Variants in CRMP1 observed in about 807,000 individuals in gnomAD.
CRMP1 encodes dihydropyrimidinase-related protein 1.
In CRMP1, 19 loss-of-function variants were observed where a neutral mutation model predicts 68.3. The observed-to-expected ratio is 0.28, with a 90% CI of 0.19 to 0.41. CRMP1 has a LOEUF of 0.41. Ranked by LOEUF, CRMP1 falls within the 10% of genes least tolerant of loss-of-function variation. CRMP1 has a pLI of 1.00. For synonymous variants in CRMP1, 439 were observed against 399.6 expected, an observed-to-expected ratio of 1.10 and a Z score of -1.18; for missense variants, 791 against 967.4, an observed-to-expected ratio of 0.82 and a Z score of 2.42.
At chr4:5,851,844 G>GAGGAGGAGGAAGAGGAGC (rs1192093739) in intron 4 of CRMP1, among the ~76,000 whole-genome samples, 2 of 150,852 alleles carry the variant, frequency 1.3e-5, no homozygotes, top group Middle Eastern at 3.2e-3. Flanking sequence ...AGAAGGGGAG[G>GAGGAGGAGGAAGAGGAGC]AGGAGGAGGA....
At chr4:5,875,747 G>A (rs963745199) in intron 1 of CRMP1, among the ~76,000 whole-genome samples, 4 of 149,452 alleles carry the variant, frequency 2.7e-5, no homozygotes, top group African/African-American at 9.9e-5. Flanking sequence ...GAATTGACAT[G>A]GACACAGAGA....
rs1045204350 is a variant in CRMP1, at chr4:5,858,188, C to A, written c.656-1881G>T. Reference sequence around the variant, plus strand: ...CTGGCTTTTTCGTTCCTTTGTCCTACTTCTTTGGCTGCCGCTTCTCAATCA... The same window carrying A: ...CTGGCTTTTTCGTTCCTTTGTCCTAATTCTTTGGCTGCCGCTTCTCAATCA... On this transcript the variant is annotated intron_variant, in intron 3 of 13. Transcript: ENST00000324989. This position sits in a 1 kb window ranked among gnomAD's most constrained non-coding sequence, Gnocchi z 5.5. 2.6e-5 allele frequency among the ~76,000 whole-genome samples: 4 copies of A among 152,146 alleles called. No homozygotes were observed. The highest frequency in any genetic ancestry group is 9.7e-5 in the African/African-American group (4 of 41,436).
Position 5,821,867 on chromosome 4 carries a change from A to G in CRMP1, c.1970-16T>C. On this transcript the variant is annotated splice_polypyrimidine_tract_variant and intron_variant, in intron 13 of 13. Coordinates refer to ENST00000324989, the MANE Select transcript of CRMP1 (RefSeq NM_001014809.3). The surrounding 1 kb of genome is among the most constrained non-coding windows in gnomAD (Gnocchi z 4.4). ...ATCTGGGCACCTGAAAGAGAGCGCC[A>G]ATCGCTGCTGGATGGGATCTGTTAG... is the stretch of plus-strand genomic sequence containing the variant. 1.3e-6 allele frequency: 2 copies of G among 1,543,792 alleles called. No homozygotes were observed. The highest frequency in any genetic ancestry group is 1.7e-6 in the Non-Finnish European group (2 of 1,150,160).
chr4:5,824,476 A>C (rs1719212304), intron 13 of CRMP1: 1 of 985,116 alleles, frequency 1.0e-6, no homozygotes. Context: ...CTGAATTCAC[A>C]CGTCATCCTC....
At chr4:5,869,718 A>G (rs1714311906) in intron 1 of CRMP1, among the ~76,000 whole-genome samples, 1 of 151,882 alleles carries the variant, frequency 6.6e-6, no homozygotes, top group Non-Finnish European at 1.5e-5. Flanking sequence ...GAAAAGAAGT[A>G]AACTGACAAG....
intron 4 of CRMP1, among the ~76,000 whole-genome samples, chr4:5,852,898 G>A (rs1712769343): frequency 6.6e-6 from 1 of 152,134 alleles, no homozygotes; most frequent in Admixed American, 6.5e-5. Context: ...AAGGCAGGGA[G>A]ACTGTTCCTG....
intron 3 of CRMP1, among the ~76,000 whole-genome samples, chr4:5,856,856 CCCCACCA>C (rs1560505586): frequency 1.9e-5 from 2 of 106,222 alleles, no homozygotes; most frequent in African/African-American, 6.1e-5. Flanking sequence ...ATCATTGTCA[CCCCACCA>C]TCATCACCAT....
Position 5,850,685 on chromosome 4 carries a change from A to T in CRMP1, c.882+723T>A, listed in dbSNP as rs771086893. Among the ~76,000 whole-genome samples the T allele has an allele frequency of 6.6e-6, 1 of 152,178 alleles. No homozygotes were observed. ...GCCTAAAGCACAGAGAAGTTGGGAA[A>T]GCTGCCCCTGGCTGCAGAGCAAGCA... On this transcript the variant is annotated intron_variant, in intron 5 of 13. Transcript: ENST00000324989. This position sits in a 1 kb window ranked among gnomAD's most constrained non-coding sequence, Gnocchi z 4.4.
At chr4:5,882,183 T>G (rs758062413) in intron 1 of CRMP1, among the ~76,000 whole-genome samples, 6 of 152,236 alleles carry the variant, frequency 3.9e-5, no homozygotes, top group Non-Finnish European at 8.8e-5. Flanking sequence ...AGCTTGATCA[T>G]ACAACTTGCT....
At chr4:5,822,834 C>T (rs753125194) in intron 13 of CRMP1, among the ~76,000 whole-genome samples, 2 of 152,198 alleles carry the variant, frequency 1.3e-5, no homozygotes, top group South Asian at 2.1e-4. Context: ...AACAGAAAAA[C>T]GTAAGTAAGT....
chr4:5,880,943 A>G (rs1344742946), intron 1 of CRMP1, among the ~76,000 whole-genome samples: 1 of 152,176 alleles, frequency 6.6e-6, no homozygotes, highest in African/African-American at 2.4e-5. Context: ...AGAATCAGAC[A>G]ATTTCCCAGT....
rs201875462 is a variant in CRMP1 at position 5,861,084 on chromosome 4, C to G, written c.597G>C (p.Ala199=). The change falls in exon 3 of 14, where the codon GCG becomes GCC. Residue 199 remains alanine, a synonymous_variant. Transcript: ENST00000324989. The surrounding 1 kb of genome is among the most constrained non-coding windows in gnomAD (Gnocchi z 6.0). ...TGGTCCCTTGGAAGAAGTCATCAGC[C>G]GCAGTCATCCCCTGGGAGGGCTTCT... The part of the protein sequence containing the change: ...YLQKPSQGMT[A]ADDFFQGTRA... 1.2e-5 allele frequency: 19 copies of G among 1,614,166 alleles called. No homozygotes were observed. In the African/African-American group the frequency reaches 2.3e-4, roughly 19 times the overall value.
chr4:5,820,802 C>G lies in CRMP1; in HGVS notation c.*958G>C, dbSNP rs1560467618. The G allele has an allele frequency of 6.7e-6, 1 of 149,610 alleles. No homozygotes were observed. Among genetic ancestry groups the G allele is most frequent in the Admixed American group, 6.8e-5 (1 of 14,656 alleles). The allele number at this position is 149,610 out of a possible 1,614,324, so 9.3% of individuals were successfully genotyped here. On this transcript the variant is annotated 3_prime_UTR_variant, in exon 14 of 14. Coordinates refer to ENST00000324989, the MANE Select transcript of CRMP1 (RefSeq NM_001014809.3). ...GTCAGGTCAGTGGGCAGTTCATTTT[C>G]TTTATTTTTTCACAAGCTTTGAATT...
At chr4:5,887,879 T>G in intron 1 of CRMP1, 1 of 891,708 alleles carries the variant, frequency 1.1e-6, no homozygotes, top group Non-Finnish European at 1.4e-6. Context: ...GCGCGAGGCC[T>G]GCGGGGAGGG....
At chr4:5,840,009 T>C (rs1276443317) in intron 8 of CRMP1, among the ~76,000 whole-genome samples, 1 of 152,232 alleles carries the variant, frequency 6.6e-6, no homozygotes. Flanking sequence ...GAGACACGAT[T>C]TACTCTCTCA....
At position 5,839,635 on chromosome 4, in the gene CRMP1, G is replaced by T. The variant is rs369344197; in HGVS notation, c.1197C>A (p.Thr399=). ...FGEPIAASLG[T]DGTHYWSKNW... ...TCTTGCTCCAGTAATGGGTGCCATC[G>T]GTCCCCAGGCTGGCGGCAATGGGCT... Residue 399 remains threonine, a synonymous_variant, in exon 9 of 14, where the codon ACC becomes ACA. Transcript: ENST00000324989. 1 of 1,613,198 alleles carries T rather than the reference G, an allele frequency of 6.2e-7. No individual in the cohort carries two copies.
At chr4:5,833,283 C>G (rs1033114285) in intron 11 of CRMP1, among the ~76,000 whole-genome samples, 1 of 125,956 alleles carries the variant, frequency 7.9e-6, no homozygotes, top group Admixed American at 7.6e-5. Context: ...TCTCCTGCCT[C>G]AGCCTCCCGA....
Position 5,825,530 on chromosome 4 carries a change from T to C in CRMP1, c.1933A>G (p.Ile645Val), listed in dbSNP as rs771536060. The C allele has an allele frequency of 1.9e-6, 3 of 1,581,188 alleles. No individual in the cohort carries two copies. Among genetic ancestry groups the C allele is most frequent in the African/African-American group, 2.8e-5 (2 of 72,464 alleles). ...AAGTTGGACTGGTGGAGGTTTCTGA[T>C]GGGTGGGGGCTGGTGTTTAGAAGGC... Reference protein sequence around the residue: ...SSPSKHQPPPIRNLHQSNFSL... With the variant: ...SSPSKHQPPPVRNLHQSNFSL... The change falls in exon 13 of 14, where the codon ATC becomes GTC. Residue 645 changes from isoleucine to valine, a missense_variant. By Grantham distance (29) the Ile-to-Val change is conservative. Coordinates refer to ENST00000324989, the MANE Select transcript of CRMP1 (RefSeq NM_001014809.3). The surrounding 1 kb of genome is among the most constrained non-coding windows in gnomAD (Gnocchi z 4.4).
Position 5,843,187 on chromosome 4 carries a change from A to C in CRMP1, c.964-26T>G. On this transcript the variant is annotated intron_variant, in intron 6 of 13. Coordinates refer to ENST00000324989, the MANE Select transcript of CRMP1 (RefSeq NM_001014809.3). The surrounding 1 kb of genome is among the most constrained non-coding windows in gnomAD (Gnocchi z 4.1). ...CTACAAGACAAGAACAAGTGAGTTA[A>C]CGATTAGAGGGTGTCAGAGCTGGGA... The C allele has an allele frequency of 6.2e-7, 1 of 1,613,338 alleles. No individual in the cohort carries two copies. The highest frequency in any genetic ancestry group is 8.5e-7 in the Non-Finnish European group (1 of 1,179,318).
Sources: gnomAD v4.1 joint callset for allele counts (sites outside exome capture counted in the v4.1 genomes callset) on GRCh38, gnomAD v4.1.1 for gene constraint, Gnocchi (gnomAD v3.1) non-coding constraint, MANE v1.5 for transcripts, NCBI Gene and HGNC (gene_info 2026-07-23, HGNC 2026-07-21) for gene names.